The following KDM4F variants were observed in gnomAD, a reference collection of about 807,000 sequenced individuals.
The protein encoded by KDM4F is lysine demethylase 4F.
For synonymous variants in KDM4F, 223 were observed against 184.4 expected (o/e 1.21, Z -1.70); for missense variants, 586 against 496.4 (o/e 1.18, Z -1.71).
In KDM4F at chr11:95,050,313, A is replaced by C. The variant is rs1306756516; in HGVS notation, c.892A>C (p.Ile298Leu). The C allele has an allele frequency of 2.2e-6, 3 of 1,348,082 alleles. No homozygotes were observed. In the African/African-American group the frequency reaches 4.3e-5, roughly 19 times the overall value. The allele number at this position is 1,348,082 out of a possible 1,614,324, so 83.5% of individuals were successfully genotyped here. ...CATCAACTTTGCCACTCCACGATGG[A>C]TTGATTATGGTAAAGTGGCTTCACA... Residue 298 changes from isoleucine (I) to leucine (L), a missense_variant, in exon 1 of 1, where the codon ATT (isoleucine) becomes CTT (leucine). Ile to Leu is a conservative substitution (Grantham distance 5). Coordinates refer to ENST00000545950, the Ensembl canonical transcript of KDM4F.
chr11:95,050,998 G>T, exon 1 of KDM4F: 1 of 441,656 alleles, frequency 2.3e-6, no homozygotes, highest in Non-Finnish European at 3.9e-6. Flanking sequence ...ATGCACCCTG[G>T]CCCCTGCCTG....
At chr11:95,050,273 CAA>C in the KDM4F span, 1 of 1,500,548 alleles carries the variant, frequency 6.7e-7, no homozygotes, top group Non-Finnish European at 9.3e-7. Flanking sequence ...ATCACGGCTT[CAA>C]CTGCGCAGAG....
chr11:95,049,581 T>C, exon 1 of KDM4F: 1 of 1,598,352 alleles, frequency 6.3e-7, no homozygotes, highest in South Asian at 1.1e-5. Flanking sequence ...ACCCAAGGAA[T>C]GGAAAGCCAG....
chr11:95,050,316 G>T, exon 1 of KDM4F: 1 of 1,341,428 alleles, frequency 7.5e-7, no homozygotes, highest in Non-Finnish European at 1.1e-6. Context: ...ACGATGGATT[G>T]ATTATGGTAA....
At chr11:95,050,294 C>A in exon 1 of KDM4F, 1 of 1,413,412 alleles carries the variant, frequency 7.1e-7, no homozygotes, top group Middle Eastern at 1.8e-4. Flanking sequence ...AGGCCATCAA[C>A]TTTGCCACTC....
exon 1 of KDM4F, chr11:95,050,542 T>A: frequency 1.4e-6 from 1 of 696,488 alleles, no homozygotes; most frequent in Non-Finnish European, 2.6e-6. Context: ...CTGAGGCATC[T>A]CCGGAACCAC....
exon 1 of KDM4F, chr11:95,049,905 G>A (rs1310760436): frequency 1.2e-6 from 2 of 1,611,178 alleles, no homozygotes; most frequent in African/African-American, 2.7e-5. Context: ...GGACCTGTTG[G>A]AGCAGGAATG....
chr11:95,050,461 C>T (rs1555105413), exon 1 of KDM4F: 1 of 761,138 alleles, frequency 1.3e-6, no homozygotes, highest in Non-Finnish European at 2.3e-6. Context: ...TACATGGAGC[C>T]CAGGGTTGCA....
exon 1 of KDM4F, chr11:95,050,885 C>G (rs1455811263): frequency 5.7e-6 from 3 of 521,848 alleles, no homozygotes; most frequent in African/African-American, 3.9e-5. Context: ...CAGACAAACC[C>G]GCACCTTTGA....
exon 1 of KDM4F, chr11:95,049,820 T>C: frequency 6.3e-7 from 1 of 1,596,904 alleles, no homozygotes; most frequent in East Asian, 2.3e-5. Flanking sequence ...CACCAATTTA[T>C]GGTGCTGATA....
At chr11:95,051,228 G>A (rs893492349) in exon 1 of KDM4F, 122 of 398,740 alleles carry the variant, frequency 3.1e-4, no homozygotes, top group African/African-American at 2.3e-3. Context: ...CTCATCTGCT[G>A]GGGCTAAAGC....
At chr11:95,051,031 G>T (rs1858506750) in exon 1 of KDM4F, 2 of 430,462 alleles carry the variant, frequency 4.6e-6, no homozygotes, top group East Asian at 7.0e-5. Flanking sequence ...AGCACTGCTA[G>T]TAGTCTTCCT....
chr11:95,050,238 CCCTATGGCTA>C, the KDM4F span: 4 of 1,550,180 alleles, frequency 2.6e-6, no homozygotes, highest in Non-Finnish European at 2.7e-6. Context: ...GGTGACTTTT[CCCTATGGCTA>C]CCATGCTGGC....
At chr11:95,050,420 G>A in the KDM4F span, 1 of 846,790 alleles carries the variant, frequency 1.2e-6, no homozygotes, top group Admixed American at 1.8e-5. Flanking sequence ...ATGAGCTCTG[G>A]AAACACAGGC....
Position 95,050,176 on chromosome 11 carries a change from A to G in KDM4F, c.755A>G (p.Lys252Arg), listed in dbSNP as rs1858497233. The G allele has an allele frequency of 3.2e-6, 5 of 1,548,814 alleles. No individual in the cohort carries two copies. In the African/African-American group the frequency reaches 4.1e-5, roughly 13 times the overall value. Reference sequence around the variant, plus strand: ...GCCCTCATCTCGCCTACAGTTCTCAAAAAGAATGGGATCCCCTTCAATCGC... The same window carrying G: ...GCCCTCATCTCGCCTACAGTTCTCAGAAAGAATGGGATCCCCTTCAATCGC... Residue 252 changes from lysine (K) to arginine (R), a missense_variant, in exon 1 of 1, where the codon AAA becomes AGA. Coordinates refer to ENST00000545950, the Ensembl canonical transcript of KDM4F.
rs1555105337 is a variant in KDM4F, at chr11:95,049,895, G to C, written c.474G>C (p.Leu158=). The C allele has an allele frequency of 4.6e-5, 74 of 1,609,432 alleles. No homozygotes were observed. The South Asian group carries it at 7.9e-4, about 17-fold the overall frequency. ...ACCTAGGACACCTGGGAACAATTCT[G>C]GACCTGTTGGAGCAGGAATGTGGGG... The change falls in exon 1 of 1, where the codon CTG becomes CTC. Residue 158 remains leucine, a synonymous_variant. Transcript: ENST00000545950.
In KDM4F at chr11:95,050,974, A is replaced by G. The variant is rs1590990349; in HGVS notation, c.1553A>G (p.Asp518Gly). 8.4e-6 allele frequency: 4 copies of G among 475,876 alleles called. No homozygotes were observed. In the East Asian group the frequency reaches 9.9e-5, roughly 12 times the overall value. 29.5% of individuals were successfully genotyped at this position (475,876 alleles called of 1,614,324 possible). The change falls in exon 1 of 1, where the codon GAT (aspartate) becomes GGT (glycine). Residue 518 changes from aspartate to glycine, a missense_variant. Coordinates refer to ENST00000545950, the Ensembl canonical transcript of KDM4F. The stretch of plus-strand genomic sequence containing the variant: ...CTTCAACCCCTGGGGCCCCCACTGG[A>G]TCCTGATGAACCCATGCACCCTGGC...
At chr11:95,050,514 A>G (rs1281516471) in exon 1 of KDM4F, 6 of 708,944 alleles carry the variant, frequency 8.5e-6, no homozygotes, top group African/African-American at 1.7e-5. Flanking sequence ...CATAGCACTT[A>G]GGAGAGCTGC....
At position 95,050,557 on chromosome 11, in the gene KDM4F, C is replaced by A. The variant is rs151212087; in HGVS notation, c.1136C>A (p.Thr379Asn). The change falls in exon 1 of 1, where the codon ACC (threonine) becomes AAC (asparagine). Residue 379 changes from threonine to asparagine, a missense_variant. By Grantham distance (65) the Thr-to-Asn change is moderately conservative. Transcript: ENST00000545950. ...CTGAGGCATCTCCGGAACCACATAA[C>A]CAGCTGTCCCACACGGACTGTGGCC... 1.3e-5 allele frequency: 9 copies of A among 690,014 alleles called. No homozygotes were observed. The East Asian group carries it at 1.9e-4, about 14-fold the overall frequency. The allele number at this position is 690,014 out of a possible 1,614,324, so 42.7% of individuals were successfully genotyped here.
Sources: gnomAD v4.1 joint callset for allele counts on GRCh38, gnomAD v4.1.1 for gene constraint, MANE v1.5 for transcripts, NCBI Gene and HGNC (gene_info 2026-07-23, HGNC 2026-07-21) for gene names.